The following TAB3 variants were observed in gnomAD, a reference collection of about 807,000 sequenced individuals.
TAB3 encodes the protein TGF-beta-activated kinase 1 and MAP3K7-binding protein 3.
A neutral mutation model predicts 48.1 loss-of-function variants in TAB3; 18 were observed. The ratio of observed to expected loss-of-function variants is 0.37; its 90% confidence interval spans 0.26 to 0.55. The LOEUF (loss-of-function observed/expected upper bound fraction) is 0.55. Ranked by LOEUF, TAB3 falls within the 20% of genes least tolerant of loss-of-function variation. TAB3 has a pLI of 0.78. For synonymous variants in TAB3, 185 were observed against 190.2 expected, an observed-to-expected ratio of 0.97 and a Z score of 0.22; for missense variants, 414 against 549.8, an observed-to-expected ratio of 0.75 and a Z score of 2.47.
chrX:30,858,357 C>T (rs1357249823), intron 5 of TAB3, among the ~76,000 whole-genome samples: 1 of 111,433 alleles, frequency 9.0e-6, no homozygotes, highest in Non-Finnish European at 1.9e-5. Context: ...CTACCAGAAA[C>T]CAAAATGGGG....
rs1186102937 is a variant in TAB3, at chrX:30,827,525, G to A, written c.*3902C>T. ...TGTTTGGAGGTACGATGCATGCAGA[G>A]CCTTTTAAAATGCCTTTGTACAATT... On this transcript the variant is annotated 3_prime_UTR_variant, in exon 11 of 11. Coordinates refer to ENST00000288422, the MANE Select transcript of TAB3 (RefSeq NM_152787.5). 8.9e-6 allele frequency: 1 copy of A among 112,557 alleles called. No individual in the cohort carries two copies. Among genetic ancestry groups the A allele is most frequent in the East Asian group, 2.8e-4 (1 of 3,608 alleles). 9.3% of individuals were successfully genotyped at this position (112,557 alleles called of 1,213,427 possible).
intron 9 of TAB3, among the ~76,000 whole-genome samples, chrX:30,838,331 A>T (rs1027690287): frequency 5.4e-5 from 6 of 110,584 alleles, no homozygotes; most frequent in Non-Finnish European, 3.8e-5. Flanking sequence ...TAATTTTTAA[A>T]TTTTTTTTTG....
At chrX:30,865,196 C>A (rs781741699) in intron 4 of TAB3, among the ~76,000 whole-genome samples, 1 of 112,181 alleles carries the variant, frequency 8.9e-6, no homozygotes, top group African/African-American at 3.2e-5. Context: ...AGGTATTTAG[C>A]ATTCTGGCCC....
chrX:30,868,586 T>TAGAGAGAGAG (rs1306064666), intron 2 of TAB3, among the ~76,000 whole-genome samples: 1 of 8,755 alleles, frequency 1.1e-4, no homozygotes, highest in East Asian at 3.5e-3. Context: ...TATATATATA[T>TAGAGAGAGAG]AGAGAGAGAG....
rs771057065 is a variant in TAB3 at position 30,831,493 on chromosome X, G to A, written c.2073C>T (p.Ser691=). 4 of 1,209,183 alleles carry A rather than the reference G, an allele frequency of 3.3e-6. No homozygotes were observed. The highest frequency in any genetic ancestry group is 4.4e-5 in the Admixed American group (2 of 45,645). The change falls in exon 11 of 11, where the codon AGC becomes AGT. Residue 691 remains serine, a synonymous_variant. Transcript: ENST00000288422. ...DYEGAPWNCD[S]CTFLNHPALN... ...GTGCTGGGTGGTTAAGAAAGGTGCA[G>A]CTATCACAATTCCATGGAGCCCCTT...
Position 30,846,536 on chromosome X carries a change from TAATC to T in TAB3, c.1804+11_1804+14del, listed in dbSNP as rs770032895. The T allele has an allele frequency of 1.8e-6, 2 of 1,120,406 alleles. No homozygotes were observed. Among genetic ancestry groups the T allele is most frequent in the Non-Finnish European group, 2.4e-6 (2 of 822,608 alleles). 92.3% of individuals were successfully genotyped at this position (1,120,406 alleles called of 1,213,427 possible). On this transcript the variant is annotated intron_variant, in intron 8 of 10. Coordinates refer to ENST00000288422, the MANE Select transcript of TAB3 (RefSeq NM_152787.5). Reference sequence around the variant, plus strand: ...ACACTATTACTTATGGTTTACCAAATAATCAAGTCTATACCTCTAGATTGAAGGA... The same window carrying T: ...ACACTATTACTTATGGTTTACCAAATAAGTCTATACCTCTAGATTGAAGGA...
intron 10 of TAB3, among the ~76,000 whole-genome samples, chrX:30,833,345 TA>T (rs1275268348): frequency 2.7e-5 from 3 of 109,661 alleles, no homozygotes; most frequent in Admixed American, 2.0e-4. Flanking sequence ...ACGTAACACT[TA>T]AAAAAAAATT....
At chrX:30,852,225 A>G (rs962101089) in intron 7 of TAB3, among the ~76,000 whole-genome samples, 2 of 111,998 alleles carry the variant, frequency 1.8e-5, no homozygotes, top group African/African-American at 6.5e-5. Flanking sequence ...GAATCTTTTC[A>G]TTAGAGCAGT....
chrX:30,848,481 C>T (rs1472533010), intron 7 of TAB3, among the ~76,000 whole-genome samples: 3 of 111,481 alleles, frequency 2.7e-5, no homozygotes, highest in South Asian at 3.8e-4. Flanking sequence ...CAGATTGCAC[C>T]ACTGCACTCC....
intron 1 of TAB3, among the ~76,000 whole-genome samples, chrX:30,882,914 G>GT (rs1569229201): frequency 8.9e-6 from 1 of 111,735 alleles, no homozygotes; most frequent in African/African-American, 3.3e-5. Context: ...CAACTTCATT[G>GT]TAAGTCTAAA....
Position 30,854,474 on chromosome X carries a change from G to A in TAB3, c.1191C>T (p.His397=). ...ISNQPSPRNQ[H]SLYTATTPPS... is the part of the protein sequence containing the mutation. ...GTGGCGTGGTGGCTGTGTACAGTGA[G>A]TGTTGATTCCGTGGAGATGGTTGAT... The change falls in exon 6 of 11, where the codon CAC becomes CAT. Residue 397 remains histidine, a synonymous_variant. Coordinates refer to ENST00000288422, the MANE Select transcript of TAB3 (RefSeq NM_152787.5). The A allele has an allele frequency of 8.3e-7, 1 of 1,211,761 alleles. No individual in the cohort carries two copies. The highest frequency in any genetic ancestry group is 1.1e-6 in the Non-Finnish European group (1 of 895,427).
rs1339386297 is a variant in TAB3, at chrX:30,829,362, G to C, written c.*2065C>G. 1 of 111,663 alleles carries C rather than the reference G, an allele frequency of 9.0e-6. No homozygotes were observed. The highest frequency in any genetic ancestry group is 1.9e-5 in the Non-Finnish European group (1 of 53,088). 9.2% of individuals were successfully genotyped at this position (111,663 alleles called of 1,213,427 possible). A position where few individuals can be genotyped will look rare whatever the true frequency, so the allele number is the denominator to read the frequency against. The stretch of plus-strand genomic sequence containing the variant: ...GAATACTGGTAAACCTTTTAGCTAG[G>C]ACACCAAGCAGTATATATATATATA... On this transcript the variant is annotated 3_prime_UTR_variant, in exon 11 of 11. Transcript: ENST00000288422.
At chrX:30,839,902 T>A in intron 9 of TAB3, among the ~76,000 whole-genome samples, 1 of 53,847 alleles carries the variant, frequency 1.9e-5, no homozygotes, top group East Asian at 5.2e-4. Flanking sequence ...AGTTTCTTTA[T>A]ACATATATAT....
rs202013109 is a variant in TAB3 at position 30,833,688 on chromosome X, G to A, written c.1990+363C>T. Among the ~76,000 whole-genome samples, 65 of 109,272 alleles carry A rather than the reference G, an allele frequency of 5.9e-4. No individual in the cohort carries two copies. In the East Asian group the frequency reaches 0.012, roughly 20 times the overall value. The allele number at this position is 109,272 out of a possible 115,157, so 94.9% of individuals were successfully genotyped here. ...CTACTAAAAACACAAAAAATTAGCC[G>A]GGCGTGGTGGCAGGCACCTGTAGTC... On this transcript the variant is annotated intron_variant, in intron 10 of 10. Transcript: ENST00000288422.
intron 9 of TAB3, among the ~76,000 whole-genome samples, chrX:30,839,283 T>C (rs191350703): frequency 5.3e-5 from 6 of 112,297 alleles, no homozygotes; most frequent in Admixed American, 1.9e-4. Flanking sequence ...CTTTGTTTAA[T>C]ATGGTAAATT....
chrX:30,881,478 G>A (rs1170864335), intron 1 of TAB3, among the ~76,000 whole-genome samples: 1 of 110,987 alleles, frequency 9.0e-6, no homozygotes, highest in Non-Finnish European at 1.9e-5. Flanking sequence ...ATTTTAAAAA[G>A]CAATATACTA....
chrX:30,859,039 TTAGGGACTGA>T (rs1388455551), intron 5 of TAB3, among the ~76,000 whole-genome samples: 1 of 111,533 alleles, frequency 9.0e-6, no homozygotes, highest in Non-Finnish European at 1.9e-5. Context: ...CTCTAAGGAC[TTAGGGACTGA>T]TAGTACAACC....
chrX:30,852,995 A>G lies in TAB3; in HGVS notation c.1550-57T>C, dbSNP rs751002143. 4.0e-5 allele frequency: 45 copies of G among 1,127,627 alleles called. No individual in the cohort carries two copies. The South Asian group carries it at 8.0e-4, about 20-fold the overall frequency. 92.9% of individuals were successfully genotyped at this position (1,127,627 alleles called of 1,213,427 possible). ...AACAACATTGAACAAGCGACTGGAA[A>G]ATTTCGATATGCACTGCTAATGTAT... On this transcript the variant is annotated intron_variant, in intron 6 of 10. Coordinates refer to ENST00000288422, the MANE Select transcript of TAB3 (RefSeq NM_152787.5).
chrX:30,872,039 C>A (rs1939677874), intron 1 of TAB3, among the ~76,000 whole-genome samples: 1 of 112,069 alleles, frequency 8.9e-6, no homozygotes, highest in Non-Finnish European at 1.9e-5. Flanking sequence ...TAGAGCTTTA[C>A]AACAGCAGAG....
Sources: allele counts gnomAD v4.1 joint callset (sites outside exome capture counted in the v4.1 genomes callset), GRCh38; gene constraint gnomAD v4.1.1; transcripts MANE v1.5; gene names NCBI Gene and HGNC (gene_info 2026-07-23, HGNC 2026-07-21).